The following SCAPER variants were observed in gnomAD, a reference collection of about 807,000 sequenced individuals.
SCAPER encodes the protein S-phase cyclin A associated protein in the ER.
A neutral mutation model predicts 182.2 loss-of-function variants in SCAPER; 98 were observed. The observed-to-expected ratio is 0.54, with a 90% confidence interval of 0.46 to 0.64. SCAPER has a LOEUF of 0.64. SCAPER is among the 30% of genes least tolerant of loss of function. The pLI is 0.00. For missense variants in SCAPER, 1,432 were observed against 1,690.0 expected (o/e 0.85, Z 2.68); for synonymous variants, 605 against 564.6 (o/e 1.07, Z -1.01).
intron 24 of SCAPER, among the ~76,000 whole-genome samples, chr15:76,471,666 A>T (rs1322706095): frequency 6.6e-6 from 1 of 152,200 alleles, no homozygotes; most frequent in African/African-American, 2.4e-5. Context: ...TTCTTGAAAT[A>T]ATACCCAGAA....
intron 21 of SCAPER, among the ~76,000 whole-genome samples, chr15:76,641,779 T>A (rs1426198662): frequency 6.6e-6 from 1 of 152,112 alleles, no homozygotes; most frequent in Non-Finnish European, 1.5e-5. Context: ...AGATGCAGCA[T>A]GATAAAACTG....
Position 76,637,619 on chromosome 15 carries a change from T to C in SCAPER, c.2646-15790A>G, listed in dbSNP as rs73457073. On this transcript the variant is annotated intron_variant, in intron 21 of 31. Coordinates refer to ENST00000563290, the MANE Select transcript of SCAPER (RefSeq NM_020843.4). The stretch of plus-strand genomic sequence containing the variant: ...TTCTTGGGAGGCTGAGGCAGGAGGA[T>C]TGCTTAAGCCAAGTTGTTCAAGATT... 4.3e-3 allele frequency among the ~76,000 whole-genome samples: 652 copies of C among 151,510 alleles called. 7 individuals are homozygous for C. The highest frequency in any genetic ancestry group is 0.015 in the African/African-American group (618 of 41,262).
At chr15:76,526,875 T>C (rs1021214689) in intron 23 of SCAPER, among the ~76,000 whole-genome samples, 1 of 151,008 alleles carries the variant, frequency 6.6e-6, no homozygotes, top group Non-Finnish European at 1.5e-5. Context: ...TTTATTTTTA[T>C]TTTTTTAGGG....
intron 16 of SCAPER, 32 bp from the exon 17 acceptor site, chr15:76,728,769 G>C (rs774029466): frequency 2.5e-6 from 4 of 1,580,864 alleles, no homozygotes; most frequent in Middle Eastern, 1.7e-4. Context: ...TCCAATATTA[G>C]AATTATGTGT....
intron 22 of SCAPER, among the ~76,000 whole-genome samples, chr15:76,577,964 G>A (rs1360723205): frequency 6.6e-6 from 1 of 152,078 alleles, no homozygotes; most frequent in African/African-American, 2.4e-5. Flanking sequence ...TGGGCCACAG[G>A]GAAGCCACTG....
intron 23 of SCAPER, among the ~76,000 whole-genome samples, chr15:76,514,699 A>G (rs925923990): frequency 7.9e-5 from 12 of 152,228 alleles, no homozygotes; most frequent in Non-Finnish European, 1.3e-4. Context: ...AAATACAAGT[A>G]GGTTTTGGCA....
intron 15 of SCAPER, 106 bp downstream of exon 15, chr15:76,753,702 A>G: frequency 7.8e-7 from 1 of 1,282,844 alleles, no homozygotes; most frequent in South Asian, 1.6e-5. Context: ...CTGTTATTCT[A>G]CAACAGAATA....
intron 8 of SCAPER, among the ~76,000 whole-genome samples, chr15:76,781,422 G>A (rs971178331): frequency 1.3e-5 from 2 of 152,150 alleles, no homozygotes; most frequent in African/African-American, 2.4e-5. Flanking sequence ...ACTGGTGTAC[G>A]TGAAAGAGAT....
At chr15:76,775,440 C>T (rs2063693194) in intron 8 of SCAPER, among the ~76,000 whole-genome samples, 2 of 152,038 alleles carry the variant, frequency 1.3e-5, no homozygotes, top group Admixed American at 6.6e-5. Context: ...TTTTAATCTT[C>T]ACAATAATCC....
chr15:76,483,878 C>A (rs1275018149), intron 24 of SCAPER, among the ~76,000 whole-genome samples: 1 of 152,110 alleles, frequency 6.6e-6, no homozygotes, highest in Non-Finnish European at 1.5e-5. Flanking sequence ...AACAGGAGCT[C>A]ACATTCATTA....
intron 24 of SCAPER, among the ~76,000 whole-genome samples, chr15:76,473,285 C>T (rs1018639874): frequency 2.6e-5 from 4 of 152,236 alleles, no homozygotes; most frequent in East Asian, 1.9e-4. Flanking sequence ...TGTTGTACAC[C>T]GTTAACGATT....
intron 24 of SCAPER, among the ~76,000 whole-genome samples, chr15:76,503,161 A>G (rs186286482): frequency 6.6e-6 from 1 of 152,356 alleles, no homozygotes; most frequent in East Asian, 1.9e-4. Flanking sequence ...ACTCTCCCAA[A>G]GAATCAATAT....
At chr15:76,703,070 A>G in intron 18 of SCAPER, 68 bp from the exon 19 acceptor site, 3 of 1,459,376 alleles carry the variant, frequency 2.1e-6, no homozygotes, top group Non-Finnish European at 2.7e-6. Flanking sequence ...TTGGAAAAAT[A>G]ATATTTCCAT....
chr15:76,676,083 C>G (rs1343430858), intron 20 of SCAPER, among the ~76,000 whole-genome samples: 1 of 152,208 alleles, frequency 6.6e-6, no homozygotes, highest in African/African-American at 2.4e-5. Context: ...CCTCGGCCTT[C>G]CAAAGTGCCG....
chr15:76,624,564 G>T (rs1181666138), intron 21 of SCAPER, among the ~76,000 whole-genome samples: 1 of 151,990 alleles, frequency 6.6e-6, no homozygotes, highest in Non-Finnish European at 1.5e-5. Flanking sequence ...TGAGTATTTT[G>T]TCACCTTATG....
chr15:76,716,693 A>G (rs1383071288), intron 17 of SCAPER, among the ~76,000 whole-genome samples: 1 of 151,914 alleles, frequency 6.6e-6, no homozygotes, highest in Non-Finnish European at 1.5e-5. Flanking sequence ...TCAACAGCAG[A>G]CTAGATCAAG....
At chr15:76,548,449 A>G (rs1401049998) in intron 23 of SCAPER, among the ~76,000 whole-genome samples, 4 of 152,210 alleles carry the variant, frequency 2.6e-5, no homozygotes, top group Admixed American at 6.5e-5. Flanking sequence ...GAAAAGGAGA[A>G]TGCTATAAAT....
chr15:76,503,227 C>A (rs1488532015), intron 24 of SCAPER, among the ~76,000 whole-genome samples: 1 of 152,140 alleles, frequency 6.6e-6, no homozygotes, highest in Non-Finnish European at 1.5e-5. Context: ...TTCCTTTCTA[C>A]CTTCCTCCCT....
intron 21 of SCAPER, among the ~76,000 whole-genome samples, chr15:76,643,540 G>C (rs1178783191): frequency 6.6e-6 from 1 of 152,130 alleles, no homozygotes; most frequent in Non-Finnish European, 1.5e-5. Context: ...AAATTAGCCA[G>C]GCATGGTGGC....
Sources: allele counts gnomAD v4.1 joint callset (sites outside exome capture counted in the v4.1 genomes callset), GRCh38; gene constraint gnomAD v4.1.1; transcripts MANE v1.5; gene names NCBI Gene and HGNC (gene_info 2026-07-23, HGNC 2026-07-21).